The following NAV1 variants were observed in gnomAD, a reference collection of about 807,000 sequenced individuals.
NAV1 encodes pore membrane and/or filament interacting like protein 3.
Under a neutral mutation model 175.2 loss-of-function variants are expected in NAV1, and 18 were observed. The ratio of observed to expected loss-of-function variants is 0.10; its 90% CI spans 0.07 to 0.15. The LOEUF is 0.15. Among genes scored for constraint, NAV1 ranks in the 10% least tolerant of loss-of-function variants. The probability of loss-of-function intolerance (pLI) is 1.00; values close to 1 mark genes in which losing one functional copy is unlikely to be tolerated. For synonymous variants in NAV1, 897 were observed against 978.7 expected, an observed-to-expected ratio of 0.92 and a Z score of 1.56; for missense variants, 1,731 against 2,436.6, an observed-to-expected ratio of 0.71 and a Z score of 6.10.
upstream of NAV1, among the ~76,000 whole-genome samples, chr1:201,618,900 A>G (rs1023633927): frequency 1.3e-5 from 2 of 152,108 alleles, no homozygotes; most frequent in East Asian, 3.9e-4. Context: ...CCGAAGGCAA[A>G]CCAGGAAAAC....
chr1:201,623,247 C>A, exon 1 of NAV1: 1 of 986,018 alleles, frequency 1.0e-6, no homozygotes, highest in Non-Finnish European at 1.2e-6. Flanking sequence ...GAAGAATTGG[C>A]GAGAGACAAG....
At chr1:201,809,925 T>G in intron 22 of NAV1, 21 bp from the exon 27 acceptor site, 1 of 1,601,774 alleles carries the variant, frequency 6.2e-7, no homozygotes, top group Non-Finnish European at 8.5e-7. Flanking sequence ...TTCTTCTTCT[T>G]CTGCCTGTCT....
intron 2 of NAV1, among the ~76,000 whole-genome samples, chr1:201,614,434 T>TG (rs1667943434): frequency 6.6e-6 from 1 of 152,134 alleles, no homozygotes. Context: ...GCCAGGAACT[T>TG]GCGACTGGCC....
chr1:201,707,976 CA>C, intron 1 of NAV1, among the ~76,000 whole-genome samples: 1 of 152,310 alleles, frequency 6.6e-6, no homozygotes, highest in African/African-American at 2.4e-5. Context: ...TCCCCTGGCT[CA>C]AATTAAATAA....
At chr1:201,606,740 G>A (rs924032128) in intron 2 of NAV1, among the ~76,000 whole-genome samples, 1 of 152,184 alleles carries the variant, frequency 6.6e-6, no homozygotes, top group African/African-American at 2.4e-5. Flanking sequence ...ATTTTCTCCA[G>A]CTTTGCTCCC....
chr1:201,628,442 T>C (rs1668398442), intron 1 of NAV1, among the ~76,000 whole-genome samples: 1 of 150,152 alleles, frequency 6.7e-6, no homozygotes, highest in African/African-American at 2.5e-5. Context: ...AGAGATCTAC[T>C]CCAGGTTATA....
At chr1:201,692,185 T>C (rs1670976912) in intron 1 of NAV1, among the ~76,000 whole-genome samples, 1 of 152,166 alleles carries the variant, frequency 6.6e-6, no homozygotes, top group African/African-American at 2.4e-5. Flanking sequence ...TTGCTGCTTG[T>C]CAGGTGTGGA....
chr1:201,746,981 G>A (rs1302168919), intron 3 of NAV1, among the ~76,000 whole-genome samples: 4 of 146,844 alleles, frequency 2.7e-5, no homozygotes, highest in Admixed American at 6.9e-5. Context: ...TCCAGCCTGT[G>A]TGACCCTGTC....
intron 3 of NAV1, among the ~76,000 whole-genome samples, chr1:201,763,921 G>A (rs2102643443): frequency 6.6e-6 from 1 of 152,290 alleles, no homozygotes; most frequent in South Asian, 2.1e-4. Context: ...AGCACATATA[G>A]AGCCTGATTT....
rs1166106029 is a variant in NAV1 at position 201,740,256 on chromosome 1, T to C, written c.1226+21501T>C. On this transcript the variant is annotated intron_variant, in intron 3 of 29. Coordinates refer to ENST00000367296, the Ensembl canonical transcript of NAV1. The surrounding 1 kb of genome is among the most constrained non-coding windows in gnomAD (Gnocchi z 4.7). ...CGCTCGCTTTTCCGCCAGAGAGGAG[T>C]GCCTGCGCCGCCGGAGCCTCCGAGC... is the stretch of plus-strand genomic sequence containing the variant. Among the ~76,000 whole-genome samples, 2 of 151,918 alleles carry C rather than the reference T, an allele frequency of 1.3e-5. No homozygotes were observed. The highest frequency in any genetic ancestry group is 4.8e-5 in the African/African-American group (2 of 41,344).
At chr1:201,630,783 A>G (rs1230316479) in intron 2 of NAV1, among the ~76,000 whole-genome samples, 3 of 152,254 alleles carry the variant, frequency 2.0e-5, no homozygotes, top group African/African-American at 7.2e-5. Context: ...AGCCATCAGA[A>G]TTAGAATGTG....
chr1:201,717,896 G>A (rs569335527), intron 2 of NAV1, among the ~76,000 whole-genome samples: 149 of 152,310 alleles, frequency 9.8e-4, no homozygotes, highest in Admixed American at 1.8e-3. Context: ...AAATGACCAA[G>A]GCCTTCTAAG....
At chr1:201,621,139 C>T (rs1668155886), upstream of NAV1, among the ~76,000 whole-genome samples, 1 of 151,914 alleles carries the variant, frequency 6.6e-6, no homozygotes, top group Non-Finnish European at 1.5e-5. Flanking sequence ...AGGCTGGTGT[C>T]AAACTCCTGG....
intron 1 of NAV1, among the ~76,000 whole-genome samples, chr1:201,654,725 T>C (rs1004002866): frequency 2.6e-5 from 4 of 152,148 alleles, no homozygotes; most frequent in Admixed American, 1.3e-4. Context: ...TGAGATTTCA[T>C]AGAATCCTAG....
Position 201,810,445 on chromosome 1 carries a change from G to A in NAV1, c.4562-78G>A. The A allele has an allele frequency of 7.3e-7, 1 of 1,371,564 alleles. No individual in the cohort carries two copies. The highest frequency in any genetic ancestry group is 1.0e-6 in the Non-Finnish European group (1 of 1,004,782). 85.0% of individuals were successfully genotyped at this position (1,371,564 alleles called of 1,614,324 possible). ...TTTCTTCAGGGGGCTCCTAGATAAA[G>A]AAAGAAAAGCCCTTTAGGATCCCTT... On this transcript the variant is annotated intron_variant, in intron 23 of 29. Coordinates refer to ENST00000367296, the Ensembl canonical transcript of NAV1. The surrounding 1 kb of genome is among the most constrained non-coding windows in gnomAD (Gnocchi z 6.0).
intron 1 of NAV1, among the ~76,000 whole-genome samples, chr1:201,678,794 G>C (rs1670357553): frequency 6.6e-6 from 1 of 152,096 alleles, no homozygotes; most frequent in Non-Finnish European, 1.5e-5. Context: ...ACCTCCCTCT[G>C]TCTGTCCCCC....
At chr1:201,587,379 G>T (rs939557583) in intron 1 of NAV1, among the ~76,000 whole-genome samples, 1 of 152,120 alleles carries the variant, frequency 6.6e-6, no homozygotes, top group Non-Finnish European at 1.5e-5. Flanking sequence ...CAAGGGTCTA[G>T]TATCTAGAAT....
At chr1:201,815,154 T>C (rs1678948136) in intron 28 of NAV1, among the ~76,000 whole-genome samples, 1 of 152,118 alleles carries the variant, frequency 6.6e-6, no homozygotes, top group Non-Finnish European at 1.5e-5. Context: ...TGTTAAGTTT[T>C]AATGAAACCT....
intron 1 of NAV1, among the ~76,000 whole-genome samples, chr1:201,703,149 C>T (rs1009264565): frequency 2.0e-5 from 3 of 152,190 alleles, no homozygotes; most frequent in Non-Finnish European, 4.4e-5. Context: ...CTCCCAGCTC[C>T]CAGCAGCAGT....
Sources: gnomAD v4.1 joint callset for allele counts (sites outside exome capture counted in the v4.1 genomes callset) on GRCh38, gnomAD v4.1.1 for gene constraint, Gnocchi (gnomAD v3.1) non-coding constraint, MANE v1.5 for transcripts, NCBI Gene and HGNC (gene_info 2026-07-23, HGNC 2026-07-21) for gene names.